The following TRAF6 variants were observed in gnomAD, a reference collection of about 807,000 sequenced individuals.
TRAF6 encodes the protein TNF receptor-associated factor 6.
TRAF6 carries 10 observed loss-of-function variants against 48.4 expected under a neutral mutation model. That is an observed-to-expected ratio of 0.21 (90% CI 0.13 to 0.35). The LOEUF (loss-of-function observed/expected upper bound fraction) is 0.35, where lower values mean the gene tolerates loss of function less well. Ranked by LOEUF, TRAF6 falls within the 10% of genes least tolerant of loss-of-function variation. TRAF6 has a pLI of 1.00. For synonymous variants in TRAF6, 186 were observed against 219.6 expected (o/e 0.85, Z 1.35); for missense variants, 397 against 661.0 (o/e 0.60, Z 4.38).
At chr11:36,496,968 A>T in intron 4 of TRAF6, 140 bp downstream of exon 4, 1 of 927,862 alleles carries the variant, frequency 1.1e-6, no homozygotes, top group Non-Finnish European at 1.6e-6. Context: ...TCTTTTTCTT[A>T]AAAATCATTT....
At chr11:36,496,707 T>C (rs1859641376) in intron 4 of TRAF6, among the ~76,000 whole-genome samples, 1 of 152,230 alleles carries the variant, frequency 6.6e-6, no homozygotes, top group Non-Finnish European at 1.5e-5. Context: ...GATTTATTCT[T>C]TGTAATAGTT....
chr11:36,496,488 G>A (rs1010511390), intron 4 of TRAF6: 1 of 152,278 alleles, frequency 6.6e-6, no homozygotes, highest in African/African-American at 2.4e-5. Context: ...GCTGAGGCAG[G>A]AGAATCGCTT....
intron 2 of TRAF6, 125 bp downstream of exon 2, chr11:36,501,095 T>C: frequency 1.1e-6 from 1 of 948,684 alleles, no homozygotes. Flanking sequence ...TTCTGTCCAT[T>C]GTTCTTTTTT....
chr11:36,503,725 T>C (rs1859749118), intron 1 of TRAF6, among the ~76,000 whole-genome samples: 1 of 152,210 alleles, frequency 6.6e-6, no homozygotes, highest in Admixed American at 6.5e-5. Context: ...ATAGCAGAAC[T>C]AGTCACTACA....
intron 1 of TRAF6, among the ~76,000 whole-genome samples, chr11:36,503,893 A>G (rs1859751443): frequency 6.6e-6 from 1 of 152,240 alleles, no homozygotes. Context: ...AACCACCGCA[A>G]TAATCCAAAT....
In TRAF6 at chr11:36,501,245, T is replaced by C; in HGVS notation, c.271A>G (p.Lys91Glu). 1 of 1,608,798 alleles carries C rather than the reference T, an allele frequency of 6.2e-7. No individual in the cohort carries two copies. The highest frequency in any genetic ancestry group is 8.5e-7 in the Non-Finnish European group (1 of 1,177,688). The stretch of plus-strand genomic sequence containing the variant: ...CTTATTGATTTTATGATGCAGGCTT[T>C]GCAGAACCTATGGCCGCATGGCGTT... ...VQTPCGHRFC[K>E]ACIIKSIRDA... Residue 91 changes from lysine (K) to glutamate (E), a missense_variant, in exon 2 of 7, where the codon AAA becomes GAA. Lys to Glu is a moderately conservative substitution (Grantham distance 56). Coordinates refer to ENST00000526995, the MANE Select transcript of TRAF6 (RefSeq NM_004620.4).
At chr11:36,496,106 T>C (rs531722571) in intron 4 of TRAF6, among the ~76,000 whole-genome samples, 1 of 152,204 alleles carries the variant, frequency 6.6e-6, no homozygotes, top group South Asian at 2.1e-4. Context: ...AAACATAAAT[T>C]ATATGTAGGT....
intron 4 of TRAF6, among the ~76,000 whole-genome samples, chr11:36,495,838 G>A (rs1306460497): frequency 6.6e-6 from 1 of 152,066 alleles, no homozygotes; most frequent in Non-Finnish European, 1.5e-5. Context: ...GTTGTGGTGA[G>A]CCGAGATTGC....
intron 2 of TRAF6, 140 bp downstream of exon 2, chr11:36,501,080 C>T: frequency 1.2e-6 from 1 of 850,570 alleles, no homozygotes; most frequent in Non-Finnish European, 1.7e-6. Flanking sequence ...CTAACTTTCT[C>T]AATTTTCTGT....
chr11:36,501,069 T>C (rs373979169), intron 2 of TRAF6, 151 bp downstream of exon 2: 1 of 769,802 alleles, frequency 1.3e-6, no homozygotes, highest in South Asian at 2.3e-5. Context: ...GGGATAAGAA[T>C]CTAACTTTCT....
intron 2 of TRAF6, among the ~76,000 whole-genome samples, chr11:36,500,399 A>C (rs1291062469): frequency 2.6e-5 from 4 of 152,202 alleles, no homozygotes; most frequent in Non-Finnish European, 4.4e-5. Context: ...AGCATGCCTG[A>C]CATGTTCAAG....
chr11:36,501,657 AATGTT>A, intron 1 of TRAF6, 120 bp from the exon 2 acceptor site: 5 of 728,232 alleles, frequency 6.9e-6, no homozygotes, highest in South Asian at 3.8e-5. Flanking sequence ...CAGCTGTATT[AATGTT>A]ATTTACAGAA....
At chr11:36,495,117 T>C (rs1859612507) in intron 4 of TRAF6, 70 bp from the exon 5 acceptor site, 1 of 1,211,848 alleles carries the variant, frequency 8.3e-7, no homozygotes, top group African/African-American at 1.5e-5. Context: ...CTAATTTTGA[T>C]AAAAAGCAAT....
At chr11:36,491,170 A>G (rs765376047) in intron 6 of TRAF6, among the ~76,000 whole-genome samples, 1 of 152,138 alleles carries the variant, frequency 6.6e-6, no homozygotes, top group South Asian at 2.1e-4. Context: ...TAAAGTCAAG[A>G]ATATAGTCTA....
At position 36,488,168 on chromosome 11, in the gene TRAF6, T is replaced by G. The variant is rs1859512487; in HGVS notation, c.*1670A>C. On this transcript the variant is annotated 3_prime_UTR_variant, in exon 7 of 7. Transcript: ENST00000526995. The stretch of plus-strand genomic sequence containing the variant: ...TCAGGCGCTGGTTGGAAGGCACAGC[T>G]GAGGGACACAAACTGCCAGGAAGTA... The G allele has an allele frequency of 1.3e-5, 2 of 152,318 alleles. No individual in the cohort carries two copies. Among genetic ancestry groups the G allele is most frequent in the South Asian group, 2.1e-4 (1 of 4,824 alleles). The allele number at this position is 152,318 out of a possible 1,614,324, so 9.4% of individuals were successfully genotyped here.
intron 4 of TRAF6, among the ~76,000 whole-genome samples, chr11:36,495,912 A>AG (rs746565375): frequency 2.0e-5 from 3 of 152,136 alleles, no homozygotes; most frequent in Non-Finnish European, 4.4e-5. Flanking sequence ...AAAGAAAAAA[A>AG]GGAGTTGTCA....
chr11:36,501,418 T>C lies in TRAF6; in HGVS notation c.98A>G (p.Asp33Gly), dbSNP rs76605445. The change falls in exon 2 of 7, where the codon GAT becomes GGT. Residue 33 changes from aspartate to glycine, a missense_variant. Around this residue, in one of 4 missense-constraint regions of TRAF6, gnomAD observed 73 missense variants for 87.3 expected, o/e 0.84. Transcript: ENST00000526995. ...GCTGGCAGTTCCACCCACACTATCA[T>C]CTTTTGTTACAGCGCTACAGGAGCT... Reference protein sequence around the residue: ...MASSCSAVTKDDSVGGTASTG... With the variant: ...MASSCSAVTKGDSVGGTASTG... The C allele has an allele frequency of 6.2e-7, 1 of 1,614,012 alleles. No individual in the cohort carries two copies. The highest frequency in any genetic ancestry group is 1.3e-5 in the African/African-American group (1 of 74,890).
At chr11:36,507,111 A>C (rs544903313) in intron 1 of TRAF6, among the ~76,000 whole-genome samples, 2 of 148,912 alleles carry the variant, frequency 1.3e-5, no homozygotes, top group South Asian at 4.2e-4. Context: ...GTATATATGT[A>C]TATATACATG....
intron 1 of TRAF6, among the ~76,000 whole-genome samples, chr11:36,502,120 G>A (rs1177288843): frequency 6.6e-6 from 1 of 152,202 alleles, no homozygotes; most frequent in African/African-American, 2.4e-5. Context: ...ACTGTTAGAT[G>A]TGTGATTTAG....
Sources: gnomAD v4.1 joint callset for allele counts (sites outside exome capture counted in the v4.1 genomes callset) on GRCh38, gnomAD v4.1.1 for gene constraint, gnomAD v4.1.1 regional missense constraint, MANE v1.5 for transcripts, NCBI Gene and HGNC (gene_info 2026-07-23, HGNC 2026-07-21) for gene names.